Variants in UMODL1 observed in about 807,000 individuals in gnomAD.
UMODL1 encodes uromodulin-like 1.
A neutral mutation model predicts 136.3 loss-of-function variants in UMODL1; 128 were observed. That is an observed-to-expected ratio of 0.94 (90% confidence interval 0.81 to 1.09). UMODL1 has a LOEUF of 1.09. Ranked by LOEUF, UMODL1 falls within the 50% of genes least tolerant of loss-of-function variation. UMODL1 has a pLI of 0.00. For missense variants in UMODL1, 1,766 were observed against 1,725.6 expected (o/e 1.02, Z -0.41); for synonymous variants, 721 against 720.0 (o/e 1.00, Z -0.02).
chr21:42,109,978 G>A (rs932774021), intron 10 of UMODL1, among the ~76,000 whole-genome samples: 2 of 152,206 alleles, frequency 1.3e-5, no homozygotes, highest in African/African-American at 4.8e-5. Flanking sequence ...TAAGTGGAGG[G>A]GTGCAGGGGT....
intron 2 of UMODL1, among the ~76,000 whole-genome samples, chr21:42,077,552 A>G (rs1388455218): frequency 3.3e-5 from 5 of 152,262 alleles, no homozygotes; most frequent in Non-Finnish European, 7.3e-5. Flanking sequence ...GGGCTTTAAG[A>G]CTATTACAAG....
At position 42,123,916 on chromosome 21, in the gene UMODL1, G is replaced by T. The variant is rs2067015666; in HGVS notation, c.3147+766G>T. Among the ~76,000 whole-genome samples the T allele has an allele frequency of 6.6e-6, 1 of 152,190 alleles. No individual in the cohort carries two copies. Among genetic ancestry groups the T allele is most frequent in the Non-Finnish European group, 1.5e-5 (1 of 68,032 alleles). ...TCCTGGATGGGCTGTGGGGCTCCCGGGACAGAGGGAGCCCAGGTGGGGAAA... is the reference window on the plus strand; with the variant it reads ...TCCTGGATGGGCTGTGGGGCTCCCGTGACAGAGGGAGCCCAGGTGGGGAAA... On this transcript the variant is annotated intron_variant, in intron 17 of 22. Coordinates refer to ENST00000408910, the MANE Select transcript of UMODL1 (RefSeq NM_001004416.3). This position sits in a 1 kb window ranked among gnomAD's most constrained non-coding sequence, Gnocchi z 4.4.
chr21:42,075,235 T>G, intron 1 of UMODL1, among the ~76,000 whole-genome samples: 1 of 103,066 alleles, frequency 9.7e-6, no homozygotes, highest in African/African-American at 4.0e-5. Context: ...ATATTTTTGC[T>G]GGAGATGGGG....
chr21:42,113,894 T>G, intron 13 of UMODL1, 64 bp downstream of exon 13: 1 of 1,562,824 alleles, frequency 6.4e-7, no homozygotes, highest in South Asian at 1.2e-5. Flanking sequence ...TTTCTGTGGG[T>G]TAAGGCTTAA....
chr21:42,100,709 C>T (rs2066617107), intron 7 of UMODL1, among the ~76,000 whole-genome samples: 1 of 148,020 alleles, frequency 6.8e-6, no homozygotes, highest in East Asian at 2.1e-4. Flanking sequence ...GCAGCTCCCT[C>T]CCCACCCCAG....
At chr21:42,134,657 C>G (rs1212039535) in intron 21 of UMODL1, among the ~76,000 whole-genome samples, 5 of 152,150 alleles carry the variant, frequency 3.3e-5, no homozygotes, top group Non-Finnish European at 1.5e-5. Context: ...CTCTGTTGCC[C>G]AGGCTGGAGT....
intron 11 of UMODL1, 171 bp downstream of exon 11, chr21:42,111,292 G>A: frequency 7.2e-7 from 1 of 1,394,552 alleles, no homozygotes; most frequent in Non-Finnish European, 9.6e-7. Context: ...ACCCCAGCCA[G>A]CGGAGCACCA....
chr21:42,136,883 G>A (rs543061134), intron 21 of UMODL1, among the ~76,000 whole-genome samples: 34 of 151,884 alleles, frequency 2.2e-4, no homozygotes, highest in African/African-American at 7.7e-4. Context: ...TCAGCCTCCC[G>A]AGTAGCTGGG....
chr21:42,126,885 G>T, intron 18 of UMODL1, 121 bp from the exon 19 acceptor site: 1 of 858,736 alleles, frequency 1.2e-6, no homozygotes, highest in South Asian at 1.5e-5. Context: ...GGGTTGAGGG[G>T]GTCTTCTCGT....
chr21:42,075,189 A>G (rs544222783), intron 1 of UMODL1, among the ~76,000 whole-genome samples: 49 of 151,492 alleles, frequency 3.2e-4, no homozygotes, highest in Non-Finnish European at 6.3e-4. Flanking sequence ...GGCATGAGCC[A>G]CCGCGCCCAG....
chr21:42,088,440 T>G lies in UMODL1; in HGVS notation c.750T>G (p.Ile250Met), dbSNP rs765617945. The G allele has an allele frequency of 9.3e-5, 150 of 1,613,324 alleles. No homozygotes were observed. The highest frequency in any genetic ancestry group is 1.2e-4 in the Non-Finnish European group (146 of 1,179,486). Residue 250 changes from isoleucine to methionine, a missense_variant, in exon 5 of 23, where the codon ATT (isoleucine) becomes ATG (methionine). Physicochemically the swap from Ile to Met is conservative, Grantham distance 10. Coordinates refer to ENST00000408910, the MANE Select transcript of UMODL1 (RefSeq NM_001004416.3). ...ACGTCTCCACCCTGCTGGGTGACAT[T>G]GCGAAGCGTGTCTATGAAGTGATCA... ...VADVSTLLGD[I>M]AKRVYEVISV...
At position 42,123,586 on chromosome 21, in the gene UMODL1, T is replaced by G. The variant is rs2067009740; in HGVS notation, c.3147+436T>G. Among the ~76,000 whole-genome samples the G allele has an allele frequency of 6.6e-6, 1 of 150,898 alleles. No homozygotes were observed. Among genetic ancestry groups the G allele is most frequent in the Non-Finnish European group, 1.5e-5 (1 of 67,928 alleles). The stretch of plus-strand genomic sequence containing the variant: ...GAATGTGTGTAAATGTGTGAATCTG[T>G]GTGTGCGAATGTGTATGTGTATATG... On this transcript the variant is annotated intron_variant, in intron 17 of 22. Transcript: ENST00000408910. The surrounding 1 kb of genome is among the most constrained non-coding windows in gnomAD (Gnocchi z 4.4).
chr21:42,101,609 T>A (rs1024934915), intron 7 of UMODL1: 8 of 416,838 alleles, frequency 1.9e-5, no homozygotes, highest in Middle Eastern at 3.5e-4. Flanking sequence ...AGATGAATAT[T>A]CCCGTGTCCC....
At chr21:42,074,163 G>A (rs1346742459) in intron 1 of UMODL1, among the ~76,000 whole-genome samples, 4 of 152,140 alleles carry the variant, frequency 2.6e-5, no homozygotes, top group East Asian at 1.9e-4. Flanking sequence ...GGCTCCTCCC[G>A]AGCCCCTGCA....
At chr21:42,108,466 C>A in intron 9 of UMODL1, 1 of 457,794 alleles carries the variant, frequency 2.2e-6, no homozygotes. Context: ...CCGCAGGAAG[C>A]ACAACAGAAA....
chr21:42,086,183 T>C (rs112073165), intron 4 of UMODL1, among the ~76,000 whole-genome samples: 5 of 152,226 alleles, frequency 3.3e-5, no homozygotes, highest in African/African-American at 7.2e-5. Flanking sequence ...GACCGGCTGC[T>C]GACAGGGGCT....
At chr21:42,128,395 G>A (rs138155567) in intron 20 of UMODL1, among the ~76,000 whole-genome samples, 275 of 152,286 alleles carry the variant, frequency 1.8e-3, no homozygotes, top group African/African-American at 6.2e-3. Flanking sequence ...CATGTTGGTC[G>A]CCTGTTGTCT....
chr21:42,085,463 A>G lies in UMODL1; in HGVS notation c.603+51A>G, dbSNP rs747675049. The G allele has an allele frequency of 6.2e-7, 1 of 1,611,802 alleles. No homozygotes were observed. Among genetic ancestry groups the G allele is most frequent in the Non-Finnish European group, 8.5e-7 (1 of 1,179,376 alleles). On this transcript the variant is annotated intron_variant, in intron 4 of 22. Coordinates refer to ENST00000408910, the MANE Select transcript of UMODL1 (RefSeq NM_001004416.3). The surrounding 1 kb of genome is among the most constrained non-coding windows in gnomAD (Gnocchi z 4.5). ...TGCACCCTCCTTGTGGCAGCTGCTC[A>G]GGCAGACCCAGGTATGGGGCCGTGG...
In UMODL1 at chr21:42,076,087, G is replaced by A. The variant is rs762861028; in HGVS notation, c.159G>A (p.Thr53=). The change falls in exon 2 of 23, where the codon ACG becomes ACA. Residue 53 remains threonine, a synonymous_variant. Coordinates refer to ENST00000408910, the MANE Select transcript of UMODL1 (RefSeq NM_001004416.3). ...TACAGAAGGTGGAGGCCGTGCAGAC[G>A]TCCTACACGTCCTATGTGTCCTGCG... ...HTVQKVEAVQ[T]SYTSYVSCGG... The A allele has an allele frequency of 8.7e-6, 14 of 1,614,144 alleles. No individual in the cohort carries two copies. Among genetic ancestry groups the A allele is most frequent in the Middle Eastern group, 3.3e-4 (2 of 6,084 alleles).
Sources: gnomAD v4.1 joint callset for allele counts (sites outside exome capture counted in the v4.1 genomes callset) on GRCh38, gnomAD v4.1.1 for gene constraint, Gnocchi (gnomAD v3.1) non-coding constraint, MANE v1.5 for transcripts, NCBI Gene and HGNC (gene_info 2026-07-23, HGNC 2026-07-21) for gene names.